The following TNR variants were observed in gnomAD, a reference collection of about 807,000 sequenced individuals.
TNR encodes the protein tenascin-R.
A neutral mutation model predicts 150.4 loss-of-function variants in TNR; 45 were observed. The ratio of observed to expected loss-of-function variants is 0.30; its 90% CI spans 0.24 to 0.38. The LOEUF (loss-of-function observed/expected upper bound fraction) is 0.38. Among genes scored for constraint, TNR ranks in the 10% least tolerant of loss-of-function variants. The pLI, the probability that TNR is intolerant of heterozygous loss-of-function variation, is 1.00. For missense variants in TNR, 1,544 were observed against 1,759.1 expected, an observed-to-expected ratio of 0.88 and a Z score of 2.19; for synonymous variants, 687 against 678.4, an observed-to-expected ratio of 1.01 and a Z score of -0.20.
intron 1 of TNR, among the ~76,000 whole-genome samples, chr1:175,546,606 C>A (rs906069400): frequency 1.3e-5 from 2 of 152,266 alleles, no homozygotes; most frequent in South Asian, 2.1e-4. Flanking sequence ...ACCAAGTACC[C>A]AAGAGTGGCG....
At chr1:175,604,793 C>T (rs1253956084) in intron 1 of TNR, among the ~76,000 whole-genome samples, 1 of 152,150 alleles carries the variant, frequency 6.6e-6, no homozygotes, top group African/African-American at 2.4e-5. Context: ...GGGTCCCTAG[C>T]GCCCTCATTC....
chr1:175,378,875 G>A (rs559949282), intron 9 of TNR, among the ~76,000 whole-genome samples: 3 of 152,144 alleles, frequency 2.0e-5, no homozygotes, highest in Non-Finnish European at 4.4e-5. Context: ...AATCAAAAAT[G>A]TACTTTGAAA....
chr1:175,361,900 G>A (rs567465004), intron 14 of TNR, among the ~76,000 whole-genome samples: 35 of 152,302 alleles, frequency 2.3e-4, no homozygotes, highest in African/African-American at 8.2e-4. Context: ...GCTAGCAAAG[G>A]AGCCTTCTCT....
intron 2 of TNR, among the ~76,000 whole-genome samples, chr1:175,505,856 C>G (rs1278795233): frequency 6.6e-6 from 1 of 151,930 alleles, no homozygotes; most frequent in Non-Finnish European, 1.5e-5. Flanking sequence ...GTGTGGCCAA[C>G]ATGGCAAAAC....
intron 1 of TNR, among the ~76,000 whole-genome samples, chr1:175,686,630 C>T (rs1666210416): frequency 6.6e-6 from 1 of 152,144 alleles, no homozygotes; most frequent in Admixed American, 6.5e-5. Context: ...AGTTTTTTAA[C>T]CCTTGTCCCC....
intron 2 of TNR, among the ~76,000 whole-genome samples, chr1:175,473,913 C>T (rs1657409815): frequency 6.6e-6 from 1 of 152,100 alleles, no homozygotes; most frequent in African/African-American, 2.4e-5. Context: ...AGATTCATGG[C>T]CGCCTGTATG....
intron 18 of TNR, among the ~76,000 whole-genome samples, chr1:175,338,287 CAGTTTA>C (rs1379557680): frequency 6.6e-6 from 1 of 152,204 alleles, no homozygotes; most frequent in Non-Finnish European, 1.5e-5. Context: ...TTTTACAGTT[CAGTTTA>C]AGTTTAAGGA....
At position 175,599,273 on chromosome 1, in the gene TNR, G is replaced by C. The variant is rs1204777147; in HGVS notation, c.-164-70904C>G. ...CCGCTCCTCCCTTTCAGGCGCCCGG[G>C]TTTGCCCACCGCGAAGAGCAGTGGC... is the stretch of plus-strand genomic sequence containing the variant. On this transcript the variant is annotated intron_variant, in intron 1 of 22. Transcript: ENST00000367674. The surrounding 1 kb of genome is among the most constrained non-coding windows in gnomAD (Gnocchi z 4.7). Among the ~76,000 whole-genome samples, 1 of 152,206 alleles carries C rather than the reference G, an allele frequency of 6.6e-6. No homozygotes were observed. Among genetic ancestry groups the C allele is most frequent in the Non-Finnish European group, 1.5e-5 (1 of 68,028 alleles).
Position 175,359,700 on chromosome 1 carries a change from G to C in TNR, c.2886C>G (p.Thr962=), listed in dbSNP as rs371810334. The change falls in exon 15 of 23, where the codon ACC becomes ACG. Residue 962 remains threonine (T), a synonymous_variant. Coordinates refer to ENST00000367674, the MANE Select transcript of TNR (RefSeq NM_003285.3). ...AMDNPVDLIA[T]NITPTEALLQ... ...GCAGGGCTTCTGTTGGAGTGATATT[G>C]GTAGCAATCAGATCCACAGGGTTGT... The C allele has an allele frequency of 4.3e-6, 7 of 1,613,454 alleles. No homozygotes were observed. Among genetic ancestry groups the C allele is most frequent in the Non-Finnish European group, 5.9e-6 (7 of 1,179,782 alleles).
intron 2 of TNR, among the ~76,000 whole-genome samples, chr1:175,430,836 T>A (rs1303897731): frequency 6.6e-6 from 1 of 152,236 alleles, no homozygotes; most frequent in East Asian, 1.9e-4. Context: ...CAGGGAAACA[T>A]CATTACTTAA....
At chr1:175,406,161 T>G in intron 3 of TNR, 55 bp downstream of exon 3, 3 of 1,571,156 alleles carry the variant, frequency 1.9e-6, no homozygotes. Flanking sequence ...TCTCCCTCTC[T>G]GCTCAGCCCT....
At chr1:175,545,451 TA>T (rs1228276222) in intron 1 of TNR, among the ~76,000 whole-genome samples, 2 of 152,136 alleles carry the variant, frequency 1.3e-5, no homozygotes, top group Admixed American at 6.5e-5. Context: ...AGAGCATGAA[TA>T]AAACTATTCA....
At chr1:175,378,674 A>G (rs971299322) in intron 9 of TNR, among the ~76,000 whole-genome samples, 1 of 152,172 alleles carries the variant, frequency 6.6e-6, no homozygotes, top group African/African-American at 2.4e-5. Flanking sequence ...GCAGGAGGGA[A>G]AACGTATTTG....
intron 1 of TNR, among the ~76,000 whole-genome samples, chr1:175,730,895 G>A (rs1188614578): frequency 6.6e-6 from 1 of 152,172 alleles, no homozygotes; most frequent in Non-Finnish European, 1.5e-5. Context: ...GGAGGAATGA[G>A]GTAGAAGCTG....
intron 1 of TNR, among the ~76,000 whole-genome samples, chr1:175,534,197 AG>A (rs1327065184): frequency 6.6e-6 from 1 of 152,188 alleles, no homozygotes; most frequent in Non-Finnish European, 1.5e-5. Flanking sequence ...GAGGACTCAC[AG>A]GGTTGGGTGT....
chr1:175,599,763 C>G lies in TNR; in HGVS notation c.-164-71394G>C, dbSNP rs1663162611. 6.6e-6 allele frequency among the ~76,000 whole-genome samples: 1 copy of G among 152,220 alleles called. No homozygotes were observed. The highest frequency in any genetic ancestry group is 2.4e-5 in the African/African-American group (1 of 41,444). On this transcript the variant is annotated intron_variant, in intron 1 of 22. Transcript: ENST00000367674. The surrounding 1 kb of genome is among the most constrained non-coding windows in gnomAD (Gnocchi z 4.7). ...GACCCATTGGCGGGTTCCCTGCCAC[C>G]AATATGCAGTCTCACAACCGTTTTC...
At chr1:175,538,300 T>G (rs944480250) in intron 1 of TNR, among the ~76,000 whole-genome samples, 1 of 152,100 alleles carries the variant, frequency 6.6e-6, no homozygotes, top group East Asian at 1.9e-4. Flanking sequence ...ATGGTTTGAG[T>G]AGAGTCTCAA....
At chr1:175,572,125 A>G (rs1661898663) in intron 1 of TNR, among the ~76,000 whole-genome samples, 1 of 152,156 alleles carries the variant, frequency 6.6e-6, no homozygotes, top group Admixed American at 6.5e-5. Context: ...ATGGGCCGCT[A>G]CTACTGACAG....
intron 2 of TNR, among the ~76,000 whole-genome samples, chr1:175,527,744 T>C (rs538309710): frequency 6.6e-6 from 1 of 152,268 alleles, no homozygotes; most frequent in East Asian, 1.9e-4. Flanking sequence ...GACATATATA[T>C]GTGGTATGAA....
Sources: allele counts gnomAD v4.1 joint callset (sites outside exome capture counted in the v4.1 genomes callset), GRCh38; gene constraint gnomAD v4.1.1; non-coding constraint Gnocchi (gnomAD v3.1); transcripts MANE v1.5; gene names NCBI Gene and HGNC (gene_info 2026-07-23, HGNC 2026-07-21).